Variants in GRIK3 observed in about 807,000 individuals in gnomAD.
GRIK3 encodes glutamate receptor ionotropic, kainate 3.
In GRIK3, 29 loss-of-function variants were observed where a neutral mutation model predicts 102.5. The observed-to-expected ratio is 0.28, with a 90% CI of 0.21 to 0.39. The LOEUF is 0.39. Among genes scored for constraint, GRIK3 ranks in the 10% least tolerant of loss-of-function variants. The pLI, the probability that GRIK3 is intolerant of heterozygous loss-of-function variation, is 1.00. For missense variants in GRIK3, 908 were observed against 1,252.4 expected (o/e 0.73, Z 4.15); for synonymous variants, 511 against 504.9 (o/e 1.01, Z -0.16).
intron 1 of GRIK3, among the ~76,000 whole-genome samples, chr1:36,948,253 CT>C (rs1641806095): frequency 6.6e-6 from 1 of 152,184 alleles, no homozygotes; most frequent in Admixed American, 6.5e-5. Flanking sequence ...GAAGCACACT[CT>C]AGGAAGGCTG....
chr1:36,881,226 G>A (rs1264646297), intron 2 of GRIK3, among the ~76,000 whole-genome samples: 2 of 152,114 alleles, frequency 1.3e-5, no homozygotes, highest in African/African-American at 2.4e-5. Context: ...CCATCTCTGT[G>A]CCAGGTTCTG....
intron 3 of GRIK3, among the ~76,000 whole-genome samples, chr1:36,877,493 T>G (rs1327587538): frequency 6.6e-6 from 1 of 152,210 alleles, no homozygotes; most frequent in Non-Finnish European, 1.5e-5. Flanking sequence ...TCTGCTTTGA[T>G]TATTCTACGC....
chr1:36,991,769 A>G (rs2124004700), intron 1 of GRIK3, among the ~76,000 whole-genome samples: 1 of 152,322 alleles, frequency 6.6e-6, no homozygotes, highest in South Asian at 2.1e-4. Flanking sequence ...GGTCCAGGGA[A>G]CAAAGAGTGA....
In GRIK3 at chr1:36,805,228, T is replaced by A; in HGVS notation, c.2324A>T (p.Tyr775Phe). 1.2e-6 allele frequency: 2 copies of A among 1,610,162 alleles called. No individual in the cohort carries two copies. The highest frequency in any genetic ancestry group is 1.7e-6 in the Non-Finnish European group (2 of 1,177,592). The change falls in exon 15 of 16, where the codon TAC becomes TTC. Residue 775 changes from tyrosine to phenylalanine, a missense_variant. By Grantham distance (22) the Tyr-to-Phe change is conservative. This residue lies in a region of GRIK3 where 297 missense variants were observed against 362.7 expected (regional missense o/e 0.82). Transcript: ENST00000373091. ...GATGGCGATGGTGATCTTGTCCCGG[T>A]ATGGGGAGCCTGAGCAGGGAGAAGG... The part of the protein sequence containing the change: ...YGIGTPMGSP[Y>F]RDKITIAILQ...
chr1:36,984,014 A>C (rs1243666938), intron 1 of GRIK3, among the ~76,000 whole-genome samples: 1 of 152,188 alleles, frequency 6.6e-6, no homozygotes, highest in Non-Finnish European at 1.5e-5. Flanking sequence ...CCAAAGAGTG[A>C]ATTAGTGAGG....
At chr1:37,004,031 G>A (rs966482954) in intron 1 of GRIK3, among the ~76,000 whole-genome samples, 6 of 152,114 alleles carry the variant, frequency 3.9e-5, no homozygotes, top group African/African-American at 1.4e-4. Context: ...GGCAGCACTC[G>A]GCCCAATCTC....
chr1:36,952,817 A>G (rs1463773539), intron 1 of GRIK3, among the ~76,000 whole-genome samples: 1 of 152,218 alleles, frequency 6.6e-6, no homozygotes, highest in Non-Finnish European at 1.5e-5. Context: ...TCTAATTTAT[A>G]CATGGTGTTC....
intron 15 of GRIK3, among the ~76,000 whole-genome samples, 155 bp from the exon 16 acceptor site, chr1:36,802,200 G>A (rs1055251956): frequency 1.1e-4 from 17 of 152,198 alleles, no homozygotes; most frequent in African/African-American, 4.1e-4. Flanking sequence ...GCCACCTGCA[G>A]GATGATTAGT....
chr1:36,944,634 T>C (rs1308358168), intron 1 of GRIK3, among the ~76,000 whole-genome samples: 3 of 152,138 alleles, frequency 2.0e-5, no homozygotes, highest in Non-Finnish European at 4.4e-5. Flanking sequence ...TTTCCATTTC[T>C]TGCAGTCTCC....
intron 1 of GRIK3, among the ~76,000 whole-genome samples, chr1:37,002,944 T>G (rs928428471): frequency 6.6e-6 from 1 of 152,048 alleles, no homozygotes; most frequent in Non-Finnish European, 1.5e-5. Flanking sequence ...CGGCCAATGT[T>G]GCATTTCTTA....
chr1:36,887,922 G>A (rs1181025963), intron 2 of GRIK3, among the ~76,000 whole-genome samples: 5 of 152,070 alleles, frequency 3.3e-5, no homozygotes, highest in Admixed American at 6.6e-5. Context: ...TGCTAGTGAA[G>A]ATGTAGGGCA....
At chr1:36,981,925 T>C (rs897977678) in intron 1 of GRIK3, among the ~76,000 whole-genome samples, 1 of 152,154 alleles carries the variant, frequency 6.6e-6, no homozygotes. Flanking sequence ...AGAGGAGTCA[T>C]GTGTGCGTCT....
At chr1:37,026,285 A>C (rs1642763828) in intron 1 of GRIK3, among the ~76,000 whole-genome samples, 1 of 152,202 alleles carries the variant, frequency 6.6e-6, no homozygotes, top group Non-Finnish European at 1.5e-5. Context: ...GCATCCAAGA[A>C]AGGGTACCTC....
rs1431489056 is a variant in GRIK3, at chr1:36,841,813, G to C, written c.1453C>G (p.Leu485Val). 2 of 1,614,038 alleles carry C rather than the reference G, an allele frequency of 1.2e-6. No homozygotes were observed. Among genetic ancestry groups the C allele is most frequent in the African/African-American group, 2.7e-5 (2 of 74,932 alleles). ...HILGFSYEIR[L>V]VEDGKYGAQD... ...GCCCCGTACTTGCCGTCCTCCACCA[G>C]CCGGATCTCATAGGAGAAACCAAGG... The change falls in exon 10 of 16, where the codon CTG becomes GTG. Residue 485 changes from leucine (L) to valine (V), a missense_variant. Leu to Val is a conservative substitution (Grantham distance 32). Coordinates refer to ENST00000373091, the MANE Select transcript of GRIK3 (RefSeq NM_000831.4).
At chr1:37,002,224 CAA>C (rs1186293066) in intron 1 of GRIK3, among the ~76,000 whole-genome samples, 1 of 152,082 alleles carries the variant, frequency 6.6e-6, no homozygotes, top group Non-Finnish European at 1.5e-5. Flanking sequence ...TTGCATATAA[CAA>C]AGAAAAAATT....
intron 7 of GRIK3, among the ~76,000 whole-genome samples, chr1:36,856,658 G>A (rs1286469595): frequency 6.6e-6 from 1 of 152,190 alleles, no homozygotes; most frequent in East Asian, 1.9e-4. Context: ...GTCCATGGAT[G>A]TAAAATGGAG....
At chr1:36,977,712 G>A (rs964236477) in intron 1 of GRIK3, among the ~76,000 whole-genome samples, 7 of 152,144 alleles carry the variant, frequency 4.6e-5, no homozygotes, top group African/African-American at 1.7e-4. Context: ...GAGGGTGGGT[G>A]AATCCTGACA....
Position 36,916,446 on chromosome 1 carries a change from G to C in GRIK3, c.116-25350C>G, listed in dbSNP as rs191855816. On this transcript the variant is annotated intron_variant, in intron 1 of 15. Coordinates refer to ENST00000373091, the MANE Select transcript of GRIK3 (RefSeq NM_000831.4). Reference sequence around the variant, plus strand: ...GCCTAATGTTAATCCCCAAGACAATGGGGAAAATGTCTCCAGGGAATATCA... The same window carrying C: ...GCCTAATGTTAATCCCCAAGACAATCGGGAAAATGTCTCCAGGGAATATCA... 3.9e-5 allele frequency among the ~76,000 whole-genome samples: 6 copies of C among 152,248 alleles called. No individual in the cohort carries two copies. In the East Asian group the frequency reaches 7.7e-4, roughly 20 times the overall value.
intron 12 of GRIK3, among the ~76,000 whole-genome samples, chr1:36,818,273 A>G (rs1369497922): frequency 6.6e-6 from 1 of 152,342 alleles, no homozygotes; most frequent in African/African-American, 2.4e-5. Context: ...TACTGCATTG[A>G]GGGGCTTCCA....
Sources: gnomAD v4.1 joint callset for allele counts (sites outside exome capture counted in the v4.1 genomes callset) on GRCh38, gnomAD v4.1.1 for gene constraint, gnomAD v4.1.1 regional missense constraint, MANE v1.5 for transcripts, NCBI Gene and HGNC (gene_info 2026-07-23, HGNC 2026-07-21) for gene names.